KIF2C: variants seen among roughly 807,000 people sequenced by gnomAD.
The protein encoded by KIF2C is kinesin-like protein KIF2C.
KIF2C carries 34 observed loss-of-function variants against 97.4 expected under a neutral mutation model. The ratio of observed to expected loss-of-function variants is 0.35; its 90% CI spans 0.27 to 0.46. The LOEUF (loss-of-function observed/expected upper bound fraction) is 0.46. Ranked by LOEUF, KIF2C falls within the 20% of genes least tolerant of loss-of-function variation. The probability of loss-of-function intolerance (pLI) is 1.00; values close to 1 mark genes in which losing one functional copy is unlikely to be tolerated. For synonymous variants in KIF2C, 313 were observed against 318.2 expected (o/e 0.98, Z 0.17); for missense variants, 750 against 907.6 (o/e 0.83, Z 2.23).
chr1:44,764,108 T>C (rs1650313515), intron 19 of KIF2C, among the ~76,000 whole-genome samples: 1 of 151,910 alleles, frequency 6.6e-6, no homozygotes, highest in Non-Finnish European at 1.5e-5. Context: ...GGACATGAGA[T>C]TCATGAACCA....
At chr1:44,756,465 GTTC>G (rs1649839880) in intron 10 of KIF2C, among the ~76,000 whole-genome samples, 2 of 151,686 alleles carry the variant, frequency 1.3e-5, no homozygotes, top group South Asian at 4.2e-4. Context: ...GGCTCCAGGG[GTTC>G]TTCTGTGCCT....
intron 19 of KIF2C, among the ~76,000 whole-genome samples, chr1:44,765,563 G>A (rs569072291): frequency 2.6e-4 from 39 of 152,080 alleles, no homozygotes; most frequent in African/African-American, 8.9e-4. Context: ...GGCTGGGCGC[G>A]GTGGCTTATG....
chr1:44,743,169 G>A (rs1419934851), intron 2 of KIF2C, among the ~76,000 whole-genome samples: 3 of 152,212 alleles, frequency 2.0e-5, no homozygotes, highest in African/African-American at 4.8e-5. Flanking sequence ...ACCTTGGAAG[G>A]ATTTTGAGGA....
Position 44,766,827 on chromosome 1 carries a change from A to C in KIF2C, c.1973A>C (p.Gln658Pro), listed in dbSNP as rs1226170840. The C allele has an allele frequency of 1.9e-6, 3 of 1,614,002 alleles. No homozygotes were observed. Among genetic ancestry groups the C allele is most frequent in the Non-Finnish European group, 1.7e-6 (2 of 1,179,980 alleles). Residue 658 changes from glutamine to proline, a missense_variant and splice_region_variant, in exon 20 of 21, where the codon CAA becomes CCA. Gln to Pro is a moderately conservative substitution (Grantham distance 76). Coordinates refer to ENST00000372224, the MANE Select transcript of KIF2C (RefSeq NM_006845.4). ...AMEELKEIIQ[Q>P]GPDWLELSEM... ...GACAAGGTCCTCCCTGTGTTGTAGC[A>C]AGGACCAGACTGGCTTGAGCTCTCT...
chr1:44,753,913 T>C (rs1311564602), intron 7 of KIF2C, 80 bp downstream of exon 7: 8 of 619,620 alleles, frequency 1.3e-5, no homozygotes, highest in African/African-American at 4.0e-5. Flanking sequence ...AGAGATACAG[T>C]TGGGCCCCAG....
At chr1:44,746,535 CAGTT>C in intron 2 of KIF2C, 2 of 1,338,620 alleles carry the variant, frequency 1.5e-6, no homozygotes, top group African/African-American at 1.5e-5. Flanking sequence ...TCTCACCAGA[CAGTT>C]AGAACTTGTT....
intron 11 of KIF2C, 129 bp from the exon 12 acceptor site, chr1:44,757,779 C>A: frequency 8.8e-7 from 1 of 1,138,370 alleles, no homozygotes; most frequent in Admixed American, 1.7e-5. Context: ...CTTGCCATGT[C>A]AGATGCAGGG....
chr1:44,761,333 C>A (rs766485392), intron 16 of KIF2C, among the ~76,000 whole-genome samples: 1 of 152,070 alleles, frequency 6.6e-6, no homozygotes, highest in African/African-American at 2.4e-5. Context: ...GGGCTGGGCG[C>A]GGTGGCTCAC....
At chr1:44,753,399 T>C in intron 6 of KIF2C, 145 bp downstream of exon 6, 1 of 922,188 alleles carries the variant, frequency 1.1e-6, no homozygotes. Flanking sequence ...ATGGAATCAG[T>C]CTTTCATTAT....
At position 44,750,374 on chromosome 1, in the gene KIF2C, T is replaced by C. The variant is rs1057322384; in HGVS notation, c.317-68T>C. 5 of 1,318,290 alleles carry C rather than the reference T, an allele frequency of 3.8e-6. No homozygotes were observed. In the African/African-American group the frequency reaches 7.5e-5, roughly 20 times the overall value. 81.7% of individuals were successfully genotyped at this position (1,318,290 alleles called of 1,614,324 possible). ...ACCTATTTCACCTTGTACAGAAACTTGGAGGTTTGCCCCTGACCACCCTCG... is the reference window on the plus strand; with the variant it reads ...ACCTATTTCACCTTGTACAGAAACTCGGAGGTTTGCCCCTGACCACCCTCG... On this transcript the variant is annotated intron_variant, in intron 4 of 20. Transcript: ENST00000372224.
chr1:44,748,496 G>A lies in KIF2C; in HGVS notation c.316+796G>A, dbSNP rs536405910. On this transcript the variant is annotated intron_variant, in intron 4 of 20. Coordinates refer to ENST00000372224, the MANE Select transcript of KIF2C (RefSeq NM_006845.4). Reference sequence around the variant, plus strand: ...TGCAGGAGAGTTGGGACTCGCAGCAGTCCCATTCCGTGTTCATGTCCTCAA... The same window carrying A: ...TGCAGGAGAGTTGGGACTCGCAGCAATCCCATTCCGTGTTCATGTCCTCAA... Among the ~76,000 whole-genome samples, 55 of 152,240 alleles carry A rather than the reference G, an allele frequency of 3.6e-4. No individual in the cohort carries two copies. The South Asian group carries it at 8.1e-3, about 22-fold the overall frequency.
In KIF2C at chr1:44,740,956, A is replaced by G; in HGVS notation, c.114A>G (p.Lys38=). 1 of 1,613,880 alleles carries G rather than the reference A, an allele frequency of 6.2e-7. No homozygotes were observed. The highest frequency in any genetic ancestry group is 8.5e-7 in the Non-Finnish European group (1 of 1,179,838). Reference sequence around the variant, plus strand: ...ATGTAAGGACTGTGAACTTGGAGAAATCCTGTGTTTCAGTGGAATGGGCAG... The same window carrying G: ...ATGTAAGGACTGTGAACTTGGAGAAGTCCTGTGTTTCAGTGGAATGGGCAG... ...SANVRTVNLE[K]SCVSVEWAEG... Residue 38 remains lysine (K), a synonymous_variant, in exon 2 of 21, where the codon AAA becomes AAG. Coordinates refer to ENST00000372224, the MANE Select transcript of KIF2C (RefSeq NM_006845.4).
intron 13 of KIF2C, 86 bp downstream of exon 13, chr1:44,758,226 A>G: frequency 8.9e-7 from 1 of 1,120,048 alleles, no homozygotes; most frequent in Non-Finnish European, 1.3e-6. Flanking sequence ...GAGGCCAAAA[A>G]CCTATTAGCT....
rs1557599432 is a variant in KIF2C, at chr1:44,760,231, G to A, written c.1368-49G>A. ...CTAGAGAACTTCTGTGGACTTGGGT[G>A]CCATGGGGGCTGGTGACCACAGAAT... On this transcript the variant is annotated intron_variant, in intron 14 of 20. Transcript: ENST00000372224. The surrounding 1 kb of genome is among the most constrained non-coding windows in gnomAD (Gnocchi z 4.2). 6.4e-7 allele frequency: 1 copy of A among 1,555,240 alleles called. No homozygotes were observed. The highest frequency in any genetic ancestry group is 2.2e-5 in the East Asian group (1 of 44,518).
At chr1:44,751,342 T>C (rs1207118850) in intron 5 of KIF2C, among the ~76,000 whole-genome samples, 1 of 151,968 alleles carries the variant, frequency 6.6e-6, no homozygotes, top group Non-Finnish European at 1.5e-5. Context: ...ATTACAGGCA[T>C]GTGCCACCAC....
chr1:44,747,647 T>C lies in KIF2C; in HGVS notation c.268-5T>C. ...TATATTGTGACAATTTGATTTGTTT[T>C]TCAGAAACAAAAACGGAGATCCGTC... On this transcript the variant is annotated splice_region_variant and splice_polypyrimidine_tract_variant and intron_variant, in intron 3 of 20. Transcript: ENST00000372224. 1 of 1,613,796 alleles carries C rather than the reference T, an allele frequency of 6.2e-7. No individual in the cohort carries two copies. Among genetic ancestry groups the C allele is most frequent in the Non-Finnish European group, 8.5e-7 (1 of 1,179,812 alleles).
In KIF2C at chr1:44,760,584, C is replaced by T. The variant is rs201872756; in HGVS notation, c.1573-8C>T. 22 of 1,612,840 alleles carry T rather than the reference C, an allele frequency of 1.4e-5. No individual in the cohort carries two copies. The East Asian group carries it at 4.0e-4, about 29-fold the overall frequency. On this transcript the variant is annotated splice_polypyrimidine_tract_variant and splice_region_variant and intron_variant, in intron 15 of 20. Coordinates refer to ENST00000372224, the MANE Select transcript of KIF2C (RefSeq NM_006845.4). The surrounding 1 kb of genome is among the most constrained non-coding windows in gnomAD (Gnocchi z 4.2). Reference sequence around the variant, plus strand: ...AAGGGACCTCAGTTGTTCCTGCTGCCCCCACAGGAGTGCATCAGGGCCCTG... The same window carrying T: ...AAGGGACCTCAGTTGTTCCTGCTGCTCCCACAGGAGTGCATCAGGGCCCTG...
chr1:44,750,111 CTTT>C (rs1649429017), intron 4 of KIF2C, among the ~76,000 whole-genome samples: 1 of 147,864 alleles, frequency 6.8e-6, no homozygotes, highest in African/African-American at 2.5e-5. Flanking sequence ...ATTCATAATA[CTTT>C]TTCTCAAGGA....
chr1:44,760,471 T>C lies in KIF2C; in HGVS notation c.1559T>C (p.Leu520Pro), dbSNP rs771351166. Residue 520 changes from leucine (L) to proline (P), a missense_variant, in exon 15 of 21, where the codon CTC becomes CCC. Physicochemically the swap from Leu to Pro is moderately conservative, Grantham distance 98 (BLOSUM62 -3). Transcript: ENST00000372224. The surrounding 1 kb of genome is among the most constrained non-coding windows in gnomAD (Gnocchi z 4.2). The part of the protein sequence containing the change: ...RMEGAEINKS[L>P]LALKECIRAL... ...GAGGGCGCAGAAATCAACAAGAGTCTCTTAGCCCTGAAGGTAGTGGGGCAG... is the reference window on the plus strand; with the variant it reads ...GAGGGCGCAGAAATCAACAAGAGTCCCTTAGCCCTGAAGGTAGTGGGGCAG... 6.2e-7 allele frequency: 1 copy of C among 1,613,902 alleles called. No individual in the cohort carries two copies. Among genetic ancestry groups the C allele is most frequent in the African/African-American group, 1.3e-5 (1 of 74,896 alleles).
Sources: gnomAD v4.1 joint callset for allele counts (sites outside exome capture counted in the v4.1 genomes callset) on GRCh38, gnomAD v4.1.1 for gene constraint, Gnocchi (gnomAD v3.1) non-coding constraint, MANE v1.5 for transcripts, NCBI Gene and HGNC (gene_info 2026-07-23, HGNC 2026-07-21) for gene names.